NCAPD3: variants seen among roughly 807,000 people sequenced by gnomAD.
The protein encoded by NCAPD3 is condensin-2 complex subunit D3.
A neutral mutation model predicts 182.9 loss-of-function variants in NCAPD3; 105 were observed. The observed-to-expected ratio is 0.57, with a 90% confidence interval of 0.49 to 0.68. NCAPD3 has a LOEUF of 0.68. NCAPD3 is among the 30% of genes least tolerant of loss of function. NCAPD3 has a pLI of 0.00. For synonymous variants in NCAPD3, 815 were observed against 679.9 expected (o/e 1.20, Z -3.09); for missense variants, 1,944 against 1,837.0 (o/e 1.06, Z -1.07).
chr11:134,224,191 T>C, upstream of NCAPD3: 3 of 575,248 alleles, frequency 5.2e-6, no homozygotes, highest in South Asian at 6.3e-5. Context: ...AGGGCCTGAG[T>C]TAAACCCTAA....
At chr11:134,217,464 G>A (rs1938069670) in intron 2 of NCAPD3, among the ~76,000 whole-genome samples, 1 of 152,026 alleles carries the variant, frequency 6.6e-6, no homozygotes, top group Non-Finnish European at 1.5e-5. Flanking sequence ...TATATTAAAA[G>A]GAACTCAAAT....
intron 27 of NCAPD3, among the ~76,000 whole-genome samples, chr11:134,164,047 A>C (rs1012961547): frequency 1.3e-5 from 2 of 152,234 alleles, no homozygotes; most frequent in Non-Finnish European, 2.9e-5. Flanking sequence ...GAAAACAGGC[A>C]GGATCTTGTG....
intron 13 of NCAPD3, among the ~76,000 whole-genome samples, chr11:134,200,875 A>C (rs1944732845): frequency 6.6e-6 from 1 of 152,232 alleles, no homozygotes. Flanking sequence ...GTATCCTTAT[A>C]ACTGACTATT....
chr11:134,204,804 C>T lies in NCAPD3; in HGVS notation c.1089+95G>A. 9.8e-7 allele frequency: 1 copy of T among 1,023,124 alleles called. No individual in the cohort carries two copies. The allele number at this position is 1,023,124 out of a possible 1,614,324, so 63.4% of individuals were successfully genotyped here. ...TTAAGTAACAATGCACACTCATTCC[C>T]AAGAACAAATACCCACACTCACACA... is the stretch of plus-strand genomic sequence containing the variant. On this transcript the variant is annotated intron_variant, in intron 9 of 34. Transcript: ENST00000534548. The surrounding 1 kb of genome is among the most constrained non-coding windows in gnomAD (Gnocchi z 4.3).
chr11:134,201,946 A>C (rs1352716867), intron 13 of NCAPD3, among the ~76,000 whole-genome samples: 1 of 152,186 alleles, frequency 6.6e-6, no homozygotes, highest in Non-Finnish European at 1.5e-5. Flanking sequence ...TAATGTAATC[A>C]TCCTCAGGGC....
intron 27 of NCAPD3, among the ~76,000 whole-genome samples, chr11:134,165,269 C>T (rs184978412): frequency 7.0e-6 from 1 of 143,452 alleles, no homozygotes; most frequent in Non-Finnish European, 1.5e-5. Context: ...TGAGGGGGAG[C>T]TGCACACTCG....
chr11:134,152,878 C>T lies in NCAPD3; in HGVS notation c.*66G>A, dbSNP rs1943294398. On this transcript the variant is annotated 3_prime_UTR_variant, in exon 35 of 35. Coordinates refer to ENST00000534548, the MANE Select transcript of NCAPD3 (RefSeq NM_015261.3). Reference sequence around the variant, plus strand: ...GCGGGAAGTGATCCAGCTGCCTTCACACGGAGGACACGAGACTGCTTCCTC... The same window carrying T: ...GCGGGAAGTGATCCAGCTGCCTTCATACGGAGGACACGAGACTGCTTCCTC... The T allele has an allele frequency of 1.3e-5, 17 of 1,297,922 alleles. 1 individual carries two copies. The South Asian group carries it at 1.7e-4, about 13-fold the overall frequency. 80.4% of individuals were successfully genotyped at this position (1,297,922 alleles called of 1,614,324 possible).
intron 27 of NCAPD3, among the ~76,000 whole-genome samples, chr11:134,162,326 G>T (rs1943606260): frequency 6.6e-6 from 1 of 152,048 alleles, no homozygotes; most frequent in Non-Finnish European, 1.5e-5. Flanking sequence ...AAGGGACAAT[G>T]GTCTAAAAAT....
At chr11:134,168,241 C>T (rs1943916837) in intron 26 of NCAPD3, 46 bp from the exon 27 acceptor site, 2 of 1,574,542 alleles carry the variant, frequency 1.3e-6, no homozygotes, top group Non-Finnish European at 1.7e-6. Context: ...GAGAAATGCT[C>T]TGGCCCAGAG....
At chr11:134,154,689 G>A (rs1943370007) in intron 32 of NCAPD3, among the ~76,000 whole-genome samples, 1 of 152,178 alleles carries the variant, frequency 6.6e-6, no homozygotes, top group African/African-American at 2.4e-5. Context: ...AGCACGGGCT[G>A]GGCAGCTGCT....
Position 134,188,235 on chromosome 11 carries a change from C to T in NCAPD3, c.2046-2709G>A, listed in dbSNP as rs922014387. ...TGTAAAAACACACCAATCAGCACTC[C>T]GTGTCTAGCTAAAGGATTGTAAATG... is the stretch of plus-strand genomic sequence containing the variant. On this transcript the variant is annotated intron_variant, in intron 16 of 34. Coordinates refer to ENST00000534548, the MANE Select transcript of NCAPD3 (RefSeq NM_015261.3). 3.3e-5 allele frequency among the ~76,000 whole-genome samples: 5 copies of T among 150,924 alleles called. No homozygotes were observed. In the South Asian group the frequency reaches 8.3e-4, roughly 25 times the overall value.
chr11:134,210,466 G>T lies in NCAPD3; in HGVS notation c.383-12C>A. 6.2e-7 allele frequency: 1 copy of T among 1,607,016 alleles called. No homozygotes were observed. Among genetic ancestry groups the T allele is most frequent in the Non-Finnish European group, 8.5e-7 (1 of 1,175,366 alleles). On this transcript the variant is annotated splice_polypyrimidine_tract_variant and intron_variant, in intron 3 of 34. Transcript: ENST00000534548. ...ATTGGCTACACTGCCTATTCATGAG[G>T]AATAAAGAGTAAGCAAGTTAGATTT...
intron 23 of NCAPD3, among the ~76,000 whole-genome samples, 157 bp downstream of exon 23, chr11:134,177,062 G>A (rs1343709719): frequency 6.6e-6 from 1 of 152,240 alleles, no homozygotes; most frequent in Non-Finnish European, 1.5e-5. Context: ...TTAGAAGGTT[G>A]TGCTAAACAT....
At chr11:134,195,820 A>G (rs889752411) in intron 13 of NCAPD3, among the ~76,000 whole-genome samples, 1 of 152,188 alleles carries the variant, frequency 6.6e-6, no homozygotes, top group Non-Finnish European at 1.5e-5. Flanking sequence ...CAGGATTCTC[A>G]TCTCTGTTTC....
At chr11:134,223,309 G>A (rs1938309322) in intron 1 of NCAPD3, 1 of 656,904 alleles carries the variant, frequency 1.5e-6, no homozygotes, top group Non-Finnish European at 2.8e-6. Flanking sequence ...AATGGAGCGG[G>A]GCTGCCCTGA....
chr11:134,153,140 G>C lies in NCAPD3; in HGVS notation c.4388C>G (p.Pro1463Arg). 6.2e-7 allele frequency: 1 copy of C among 1,613,628 alleles called. No homozygotes were observed. The highest frequency in any genetic ancestry group is 8.5e-7 in the Non-Finnish European group (1 of 1,179,584). ...TCAAAAGGAACACTGCTAAACTTACGGTTTATCAGGCAGTGATAAACATAA... is the reference window on the plus strand; with the variant it reads ...TCAAAAGGAACACTGCTAAACTTACCGTTTATCAGGCAGTGATAAACATAA... ...DILCLSLPDK[P>R]PPQPQQWNVR... The change falls in exon 34 of 35, where the codon CCG becomes CGG. Residue 1463 changes from proline to arginine, a missense_variant and splice_region_variant. Physicochemically the swap from Pro to Arg is moderately radical, Grantham distance 103. Coordinates refer to ENST00000534548, the MANE Select transcript of NCAPD3 (RefSeq NM_015261.3).
At chr11:134,153,396 C>G in intron 32 of NCAPD3, 33 bp from the exon 33 acceptor site, 1 of 1,608,076 alleles carries the variant, frequency 6.2e-7, no homozygotes. Flanking sequence ...TGAGTGAAAG[C>G]CGCGTGGTCT....
rs1266035779 is a variant in NCAPD3 at position 134,178,837 on chromosome 11, C to G, written c.2659G>C (p.Ala887Pro). Residue 887 changes from alanine to proline, a missense_variant, in exon 21 of 35, where the codon GCT (alanine) becomes CCT (proline). Transcript: ENST00000534548. Reference sequence around the variant, plus strand: ...AATGCCTTACAGTGGTCAGCATCAGCAGACGAAGCCAGGACGGACTGAATC... The same window carrying G: ...AATGCCTTACAGTGGTCAGCATCAGGAGACGAAGCCAGGACGGACTGAATC... Reference protein sequence around the residue: ...LLIQSVLASSADADHSPSSQG... With the variant: ...LLIQSVLASSPDADHSPSSQG... 1 of 1,614,118 alleles carries G rather than the reference C, an allele frequency of 6.2e-7. No homozygotes were observed. The highest frequency in any genetic ancestry group is 1.1e-5 in the South Asian group (1 of 91,064).
At chr11:134,169,309 A>T (rs1194294789) in intron 24 of NCAPD3, among the ~76,000 whole-genome samples, 1 of 152,190 alleles carries the variant, frequency 6.6e-6, no homozygotes, top group Non-Finnish European at 1.5e-5. Flanking sequence ...AATTGACACA[A>T]GGTGTTGTCA....
Sources: gnomAD v4.1 joint callset for allele counts (sites outside exome capture counted in the v4.1 genomes callset) on GRCh38, gnomAD v4.1.1 for gene constraint, Gnocchi (gnomAD v3.1) non-coding constraint, MANE v1.5 for transcripts, NCBI Gene and HGNC (gene_info 2026-07-23, HGNC 2026-07-21) for gene names.